Variants in CD2AP observed in about 807,000 individuals in gnomAD.
The protein encoded by CD2AP is CD2 associated protein, also known as CD2-associated protein.
CD2AP carries 46 observed loss-of-function variants against 85.1 expected under a neutral mutation model. That is an observed-to-expected ratio of 0.54 (90% CI 0.43 to 0.69). CD2AP has a LOEUF of 0.69. CD2AP is among the 30% of genes least tolerant of loss of function. CD2AP has a pLI of 0.00. For missense variants in CD2AP, 769 were observed against 729.5 expected (o/e 1.05, Z -0.62); for synonymous variants, 255 against 252.9 (o/e 1.01, Z -0.08).
At chr6:47,516,939 A>G (rs190045233) in intron 2 of CD2AP, among the ~76,000 whole-genome samples, 1 of 152,274 alleles carries the variant, frequency 6.6e-6, no homozygotes, top group African/African-American at 2.4e-5. Context: ...AATATGAGTT[A>G]GTTGCTGGTA....
chr6:47,612,184 G>A (rs1023305219), intron 16 of CD2AP, among the ~76,000 whole-genome samples: 2 of 152,056 alleles, frequency 1.3e-5, no homozygotes, highest in Non-Finnish European at 2.9e-5. Context: ...TATGATAGCC[G>A]AATATAGAAA....
At chr6:47,574,309 A>G in intron 6 of CD2AP, 58 bp downstream of exon 6, 2 of 1,502,064 alleles carry the variant, frequency 1.3e-6, no homozygotes, top group Non-Finnish European at 1.9e-6. Flanking sequence ...AGCATTTTTT[A>G]AAATGTAAAA....
At chr6:47,501,737 C>G (rs1348071530) in intron 1 of CD2AP, among the ~76,000 whole-genome samples, 1 of 151,694 alleles carries the variant, frequency 6.6e-6, no homozygotes, top group African/African-American at 2.4e-5. Flanking sequence ...GGGGATATGG[C>G]TAGTCTGCTA....
intron 5 of CD2AP, among the ~76,000 whole-genome samples, chr6:47,559,261 T>G (rs72871167): frequency 0.015 from 2,286 of 151,524 alleles, 25 homozygotes; most frequent in Non-Finnish European, 0.025. Context: ...CGTGCAATTT[T>G]TTTTTTTTTT....
chr6:47,505,479 T>C (rs543518584), intron 2 of CD2AP, among the ~76,000 whole-genome samples: 2 of 150,980 alleles, frequency 1.3e-5, no homozygotes, highest in East Asian at 3.9e-4. Flanking sequence ...TTCCCCGCCT[T>C]TCCCGCCCTT....
intron 1 of CD2AP, among the ~76,000 whole-genome samples, chr6:47,497,332 TTTCCC>T (rs1211344061): frequency 7.0e-6 from 1 of 143,874 alleles, no homozygotes; most frequent in Non-Finnish European, 1.5e-5. Flanking sequence ...TTTCCTTTCC[TTTCCC>T]TTCCCTTCCC....
chr6:47,601,554 A>G (rs1769134228), intron 13 of CD2AP, among the ~76,000 whole-genome samples: 1 of 152,000 alleles, frequency 6.6e-6, no homozygotes, highest in Admixed American at 6.6e-5. Context: ...GCATGCTAAG[A>G]TAAAAGGCAT....
chr6:47,622,280 A>C (rs1769768134), intron 17 of CD2AP, among the ~76,000 whole-genome samples: 1 of 152,192 alleles, frequency 6.6e-6, no homozygotes, highest in Non-Finnish European at 1.5e-5. Context: ...GCTGCGAAAG[A>C]AAAGGGCTTG....
At chr6:47,553,177 A>G (rs1055796126) in intron 4 of CD2AP, among the ~76,000 whole-genome samples, 4 of 152,130 alleles carry the variant, frequency 2.6e-5, no homozygotes, top group Non-Finnish European at 5.9e-5. Context: ...TAACACTGTG[A>G]CTAACACATA....
rs745360728 is a variant in CD2AP, at chr6:47,607,942, G to GA, written c.1552dup (p.Ile518AsnfsTer17). ...AATCATTTAGCCAACTCACAGCCCC[G>GA]AAAAAATCTTGAAGTTACCAAAAGA... On this transcript the variant is annotated frameshift_variant, in exon 15 of 18. Transcript: ENST00000359314. LOFTEE classifies it high-confidence loss of function. 1.2e-6 allele frequency: 2 copies of GA among 1,611,956 alleles called. No individual in the cohort carries two copies. The highest frequency in any genetic ancestry group is 1.1e-5 in the South Asian group (1 of 90,918).
At chr6:47,582,422 T>A (rs536407205) in intron 11 of CD2AP, 8 of 190,458 alleles carry the variant, frequency 4.2e-5, no homozygotes, top group South Asian at 1.9e-4. Flanking sequence ...ATGAAAATAA[T>A]TAATTACATA....
intron 17 of CD2AP, among the ~76,000 whole-genome samples, chr6:47,623,486 C>A (rs370905500): frequency 2.7e-4 from 41 of 152,296 alleles, no homozygotes; most frequent in African/African-American, 9.9e-4. Flanking sequence ...ACATTGGCAT[C>A]CTGTTTAATG....
At chr6:47,552,545 T>C (rs1292310191) in intron 4 of CD2AP, among the ~76,000 whole-genome samples, 1 of 152,196 alleles carries the variant, frequency 6.6e-6, no homozygotes, top group Admixed American at 6.5e-5. Context: ...TATTTTTAAA[T>C]TCACTTGTTG....
At chr6:47,571,142 T>C (rs376992107) in intron 5 of CD2AP, among the ~76,000 whole-genome samples, 181 of 152,270 alleles carry the variant, frequency 1.2e-3, no homozygotes, top group African/African-American at 4.2e-3. Context: ...GATAGTTTCA[T>C]TTTAAAAATG....
At chr6:47,573,252 T>C (rs533722873) in intron 5 of CD2AP, among the ~76,000 whole-genome samples, 8 of 152,266 alleles carry the variant, frequency 5.3e-5, no homozygotes, top group South Asian at 2.1e-4. Flanking sequence ...GAGTTTCCAT[T>C]GACTGCTTTG....
At chr6:47,557,562 A>G (rs1296886170) in intron 5 of CD2AP, among the ~76,000 whole-genome samples, 1 of 152,016 alleles carries the variant, frequency 6.6e-6, no homozygotes, top group Non-Finnish European at 1.5e-5. Flanking sequence ...AGTTTTTCCA[A>G]CAACATTTAT....
chr6:47,544,219 G>A (rs968386284), intron 3 of CD2AP, among the ~76,000 whole-genome samples: 1 of 152,172 alleles, frequency 6.6e-6, no homozygotes. Flanking sequence ...CTAATTTTAA[G>A]TAGTATTCCC....
At chr6:47,497,743 C>CTTT (rs1187139382) in intron 1 of CD2AP, among the ~76,000 whole-genome samples, 1 of 152,124 alleles carries the variant, frequency 6.6e-6, no homozygotes, top group African/African-American at 2.4e-5. Context: ...TTTTACAGTT[C>CTTT]TTTGCCTTTC....
intron 11 of CD2AP, among the ~76,000 whole-genome samples, chr6:47,589,048 G>A (rs1478384407): frequency 2.0e-5 from 3 of 151,986 alleles, no homozygotes; most frequent in Non-Finnish European, 4.4e-5. Flanking sequence ...ATGCAATTTA[G>A]GTTCTACTTT....
Sources: allele counts gnomAD v4.1 joint callset (sites outside exome capture counted in the v4.1 genomes callset), GRCh38; gene constraint gnomAD v4.1.1; transcripts MANE v1.5; gene names NCBI Gene and HGNC (gene_info 2026-07-23, HGNC 2026-07-21).